ZNF385C: variants seen among roughly 807,000 people sequenced by gnomAD.
ZNF385C encodes zinc finger protein 385C.
ZNF385C carries 28 observed loss-of-function variants against 35.4 expected under a neutral mutation model. The ratio of observed to expected loss-of-function variants is 0.79; its 90% confidence interval spans 0.59 to 1.08. The LOEUF (loss-of-function observed/expected upper bound fraction) is 1.08. Among genes scored for constraint, ZNF385C ranks in the 50% least tolerant of loss-of-function variants. The pLI, the probability that ZNF385C is intolerant of heterozygous loss-of-function variation, is 0.00. For missense variants in ZNF385C, 605 were observed against 595.6 expected (o/e 1.02, Z -0.16); for synonymous variants, 248 against 248.2 (o/e 1.00, Z 0.01).
intron 1 of ZNF385C, among the ~76,000 whole-genome samples, chr17:42,068,692 C>T (rs1024816747): frequency 3.9e-4 from 59 of 152,212 alleles, no homozygotes; most frequent in African/African-American, 1.4e-3. Flanking sequence ...ATGAGATGAG[C>T]ACCATTATTA....
At chr17:42,048,470 G>A (rs535276632) in intron 2 of ZNF385C, among the ~76,000 whole-genome samples, 78 of 151,894 alleles carry the variant, frequency 5.1e-4, no homozygotes, top group African/African-American at 1.7e-3. Flanking sequence ...ACTTGAGCCC[G>A]AGTTTGAGAC....
At chr17:42,090,875 C>G (rs1241040530) in intron 1 of ZNF385C, among the ~76,000 whole-genome samples, 1 of 151,892 alleles carries the variant, frequency 6.6e-6, no homozygotes, top group Non-Finnish European at 1.5e-5. Flanking sequence ...GAGCGAGACT[C>G]CGTCTCAAAA....
chr17:42,067,203 T>C (rs1467894438), intron 1 of ZNF385C, among the ~76,000 whole-genome samples: 1 of 152,178 alleles, frequency 6.6e-6, no homozygotes, highest in Admixed American at 6.5e-5. Flanking sequence ...CCCAAAGTGC[T>C]GGGATCACAG....
At chr17:42,033,282 A>C (rs1280645557) in intron 4 of ZNF385C, among the ~76,000 whole-genome samples, 4 of 152,166 alleles carry the variant, frequency 2.6e-5, no homozygotes, top group African/African-American at 4.8e-5. Flanking sequence ...TTCCTCCTCT[A>C]CCTAGTGGTA....
intron 1 of ZNF385C, among the ~76,000 whole-genome samples, chr17:42,076,100 A>T (rs1197159823): frequency 2.0e-5 from 3 of 152,120 alleles, no homozygotes; most frequent in African/African-American, 7.2e-5. Flanking sequence ...TATTGAAATC[A>T]TTCAGCAGGA....
Position 42,097,298 on chromosome 17 carries a change from C to T in ZNF385C, c.-3+1112G>A, listed in dbSNP as rs549659021. Among the ~76,000 whole-genome samples, 6 of 152,314 alleles carry T rather than the reference C, an allele frequency of 3.9e-5. No individual in the cohort carries two copies. In the South Asian group the frequency reaches 1.2e-3, roughly 32 times the overall value. ...GACCCCAAAGCCCCCACTCTTTCCA[C>T]TAGAGCACATGGCCTCCCAGAAGCA... is the stretch of plus-strand genomic sequence containing the variant. On this transcript the variant is annotated intron_variant, in intron 1 of 8. Coordinates refer to ENST00000692273, the MANE Select transcript of ZNF385C (RefSeq NM_001392013.1).
chr17:42,033,340 G>A (rs1398271973), intron 4 of ZNF385C, among the ~76,000 whole-genome samples: 3 of 152,210 alleles, frequency 2.0e-5, no homozygotes, highest in Admixed American at 6.5e-5. Flanking sequence ...ATAGACCTTG[G>A]GGTCAGCCAG....
Position 42,029,123 on chromosome 17 carries a change from C to T in ZNF385C, c.677-50G>A, listed in dbSNP as rs115875672. On this transcript the variant is annotated intron_variant, in intron 5 of 8. Transcript: ENST00000692273. ...AGACCCAAGATGACGCTGCAGACCA[C>T]GATCTTCAGCTCTGACCATGGAGGT... 2.1e-3 allele frequency: 3,109 copies of T among 1,512,254 alleles called. 64 individuals are homozygous for T. In the African/African-American group the frequency reaches 0.039, roughly 19 times the overall value. The allele number at this position is 1,512,254 out of a possible 1,614,324, so 93.7% of individuals were successfully genotyped here. A position where few individuals can be genotyped will look rare whatever the true frequency, so the allele number is the denominator to read the frequency against.
At chr17:42,070,320 T>G (rs981165371) in intron 1 of ZNF385C, among the ~76,000 whole-genome samples, 1 of 152,050 alleles carries the variant, frequency 6.6e-6, no homozygotes, top group Non-Finnish European at 1.5e-5. Context: ...CTCCAGCCTG[T>G]GCGACAGAGC....
rs1465160078 is a variant in ZNF385C at position 42,050,123 on chromosome 17, G to A, written c.251-12238C>T. On this transcript the variant is annotated intron_variant, in intron 2 of 8. Transcript: ENST00000692273. This position sits in a 1 kb window ranked among gnomAD's most constrained non-coding sequence, Gnocchi z 5.6. ...GGAGGGCACACTTGCTGCAGACACA[G>A]GTCTCCTCTCATTTCTCTCCACACC... 3.3e-5 allele frequency among the ~76,000 whole-genome samples: 5 copies of A among 152,262 alleles called. No individual in the cohort carries two copies. Among genetic ancestry groups the A allele is most frequent in the African/African-American group, 1.2e-4 (5 of 41,572 alleles).
chr17:42,048,890 C>T (rs1440418927), intron 2 of ZNF385C, among the ~76,000 whole-genome samples: 3 of 151,268 alleles, frequency 2.0e-5, no homozygotes, highest in East Asian at 3.9e-4. Context: ...TTTAGTGAGC[C>T]GAGATCATGC....
intron 5 of ZNF385C, among the ~76,000 whole-genome samples, chr17:42,029,516 C>T (rs1410267087): frequency 3.3e-5 from 5 of 152,072 alleles, no homozygotes; most frequent in African/African-American, 9.7e-5. Context: ...GTCAGGAGTT[C>T]GAGACTGGCC....
chr17:42,070,605 C>T (rs2053610582), intron 1 of ZNF385C, among the ~76,000 whole-genome samples: 1 of 152,158 alleles, frequency 6.6e-6, no homozygotes, highest in African/African-American at 2.4e-5. Flanking sequence ...ACACATGAGG[C>T]AACTGAGGCT....
At chr17:42,075,644 A>G (rs957763447) in intron 1 of ZNF385C, among the ~76,000 whole-genome samples, 6 of 151,626 alleles carry the variant, frequency 4.0e-5, no homozygotes, top group African/African-American at 1.2e-4. Context: ...ACAGGCGCCC[A>G]CCACCACGCC....
chr17:42,096,007 A>T (rs1215801069), intron 1 of ZNF385C, among the ~76,000 whole-genome samples: 1 of 152,232 alleles, frequency 6.6e-6, no homozygotes, highest in African/African-American at 2.4e-5. Flanking sequence ...CTGGAGGACC[A>T]GATACAAATT....
In ZNF385C at chr17:42,037,774, C is replaced by A. The variant is rs782776129; in HGVS notation, c.362G>T (p.Gly121Val). 4 of 1,537,220 alleles carry A rather than the reference C, an allele frequency of 2.6e-6. No homozygotes were observed. Among genetic ancestry groups the A allele is most frequent in the Non-Finnish European group, 3.5e-6 (4 of 1,140,980 alleles). The change falls in exon 3 of 9, where the codon GGC (glycine) becomes GTC (valine). Residue 121 changes from glycine to valine, a missense_variant. By Grantham distance (109) the Gly-to-Val change is moderately radical. Transcript: ENST00000692273. ...FKHLLAFHFN[G>V]AAPLSLFPNF... Reference sequence around the variant, plus strand: ...GGGGAAGAGACTGAGCGGGGCAGCGCCATTGAAGTGGAAGGCGAGCAAGTG... The same window carrying A: ...GGGGAAGAGACTGAGCGGGGCAGCGACATTGAAGTGGAAGGCGAGCAAGTG...
intron 2 of ZNF385C, chr17:42,040,029 T>C (rs2052973979): frequency 2.4e-6 from 3 of 1,230,938 alleles, no homozygotes; most frequent in East Asian, 6.3e-5. Context: ...CAAGGCCGAA[T>C]ACTACGCGCT....
intron 1 of ZNF385C, among the ~76,000 whole-genome samples, chr17:42,083,053 G>A (rs1360886703): frequency 1.3e-5 from 2 of 151,940 alleles, no homozygotes; most frequent in Non-Finnish European, 2.9e-5. Flanking sequence ...CTCCAGCATG[G>A]GCAATAGAAT....
intron 1 of ZNF385C, among the ~76,000 whole-genome samples, chr17:42,092,166 G>A (rs2053868925): frequency 6.6e-6 from 1 of 152,120 alleles, no homozygotes; most frequent in Non-Finnish European, 1.5e-5. Context: ...TTGGGAGGCC[G>A]AGGTGGGTGG....
Sources: gnomAD v4.1 joint callset for allele counts (sites outside exome capture counted in the v4.1 genomes callset) on GRCh38, gnomAD v4.1.1 for gene constraint, Gnocchi (gnomAD v3.1) non-coding constraint, MANE v1.5 for transcripts, NCBI Gene and HGNC (gene_info 2026-07-23, HGNC 2026-07-21) for gene names.